The following MAML2 variants were observed in gnomAD, a reference collection of about 807,000 sequenced individuals.
MAML2 encodes the protein mastermind like transcriptional coactivator 2, also known as mastermind-like protein 2.
In MAML2, 22 loss-of-function variants were observed where a neutral mutation model predicts 96.1. That is an observed-to-expected ratio of 0.23 (90% CI 0.16 to 0.33). MAML2 has a LOEUF of 0.33. Ranked by LOEUF, MAML2 falls within the 10% of genes least tolerant of loss-of-function variation. MAML2 has a pLI of 1.00. For missense variants in MAML2, 1,367 were observed against 1,392.4 expected, an observed-to-expected ratio of 0.98 and a Z score of 0.29; for synonymous variants, 561 against 521.3, an observed-to-expected ratio of 1.08 and a Z score of -1.04.
chr11:96,204,185 C>T (rs139772421), intron 1 of MAML2, among the ~76,000 whole-genome samples: 55 of 152,270 alleles, frequency 3.6e-4, no homozygotes, highest in African/African-American at 1.2e-3. Flanking sequence ...GGTGTAGGTG[C>T]ACTTGGAGGG....
rs117736948 is a variant in MAML2 at position 96,248,992 on chromosome 11, G to T, written c.513+92391C>A. On this transcript the variant is annotated intron_variant, in intron 1 of 4. Transcript: ENST00000524717. ...AAATTTAGTAAACACTACAAATCAG[G>T]ATTTTGCTGTTGTCACTGCTTTTCA... Among the ~76,000 whole-genome samples the T allele has an allele frequency of 6.7e-3, 1,027 of 152,282 alleles. 30 individuals are homozygous for T. The highest frequency in any genetic ancestry group is 2.4e-3 in the Non-Finnish European group (160 of 68,026).
chr11:96,148,194 A>T (rs1860851070), intron 1 of MAML2, among the ~76,000 whole-genome samples: 1 of 152,252 alleles, frequency 6.6e-6, no homozygotes. Flanking sequence ...AATCATTGCC[A>T]TGTCTCTTTC....
At chr11:95,993,207 GAAA>G (rs57752907) in intron 2 of MAML2, among the ~76,000 whole-genome samples, 6 of 129,210 alleles carry the variant, frequency 4.6e-5, no homozygotes, top group South Asian at 4.9e-4. Flanking sequence ...ACTGTGCCCA[GAAA>G]AAAAAAAAAA....
At chr11:96,095,137 T>C (rs572546449) in intron 1 of MAML2, among the ~76,000 whole-genome samples, 1 of 152,132 alleles carries the variant, frequency 6.6e-6, no homozygotes, top group Non-Finnish European at 1.5e-5. Context: ...CTAAAGCATA[T>C]GTCATTTACA....
intron 2 of MAML2, among the ~76,000 whole-genome samples, chr11:96,005,168 C>G (rs1418633843): frequency 6.6e-6 from 1 of 152,212 alleles, no homozygotes; most frequent in Admixed American, 6.5e-5. Flanking sequence ...ATTACCCATT[C>G]TGTGGTATTT....
chr11:96,260,976 G>A (rs1012860387), intron 1 of MAML2, among the ~76,000 whole-genome samples: 1 of 152,064 alleles, frequency 6.6e-6, no homozygotes, highest in Non-Finnish European at 1.5e-5. Flanking sequence ...ATATCATGGA[G>A]CCTCATAATT....
At chr11:96,047,190 TG>T (rs1565198833) in intron 2 of MAML2, among the ~76,000 whole-genome samples, 1 of 152,212 alleles carries the variant, frequency 6.6e-6, no homozygotes, top group East Asian at 1.9e-4. Flanking sequence ...CCCTAGTGCC[TG>T]GCATAGGGCT....
At chr11:96,282,926 T>A (rs1863092217) in intron 1 of MAML2, among the ~76,000 whole-genome samples, 1 of 152,202 alleles carries the variant, frequency 6.6e-6, no homozygotes, top group African/African-American at 2.4e-5. Context: ...TATTTTCCTT[T>A]AAAGGCCACT....
intron 1 of MAML2, among the ~76,000 whole-genome samples, chr11:96,304,361 G>A (rs1863435031): frequency 6.6e-6 from 1 of 152,208 alleles, no homozygotes; most frequent in Non-Finnish European, 1.5e-5. Flanking sequence ...GCCATTTAAA[G>A]ATTTTAAGTG....
chr11:96,119,211 A>G (rs1187108356), intron 1 of MAML2, among the ~76,000 whole-genome samples: 1 of 152,158 alleles, frequency 6.6e-6, no homozygotes, highest in Non-Finnish European at 1.5e-5. Context: ...GTGAACTTAC[A>G]TGGCAAAAGA....
At chr11:96,156,456 G>T (rs1483020136) in intron 1 of MAML2, among the ~76,000 whole-genome samples, 1 of 152,146 alleles carries the variant, frequency 6.6e-6, no homozygotes, top group African/African-American at 2.4e-5. Flanking sequence ...TTGTTGGGAT[G>T]GCTGCCCCTG....
chr11:96,210,989 T>C lies in MAML2; in HGVS notation c.514-117472A>G, dbSNP rs78917499. ...AAACTACATGTGAAGCTGACATTTT[T>C]CTGTCCATTTATTGGACTACATTTA... On this transcript the variant is annotated intron_variant, in intron 1 of 4. Coordinates refer to ENST00000524717, the MANE Select transcript of MAML2 (RefSeq NM_032427.4). Among the ~76,000 whole-genome samples the C allele has an allele frequency of 3.7e-3, 569 of 152,334 alleles. 16 individuals carry two copies. The highest frequency in any genetic ancestry group is 0.025 in the East Asian group (132 of 5,192).
chr11:96,337,361 C>T (rs902320516), intron 1 of MAML2, among the ~76,000 whole-genome samples: 4 of 152,168 alleles, frequency 2.6e-5, no homozygotes, highest in African/African-American at 2.4e-5. Context: ...TTAAAAATAA[C>T]CAGGGTACTC....
chr11:96,048,521 A>G (rs1858942097), intron 2 of MAML2, among the ~76,000 whole-genome samples: 1 of 152,190 alleles, frequency 6.6e-6, no homozygotes, highest in African/African-American at 2.4e-5. Context: ...TTTAACACAT[A>G]TAGGTAATTA....
At chr11:96,134,002 GA>G (rs548911155) in intron 1 of MAML2, among the ~76,000 whole-genome samples, 102 of 142,088 alleles carry the variant, frequency 7.2e-4, no homozygotes, top group African/African-American at 1.2e-3. Flanking sequence ...TCATTGAAAA[GA>G]AAAAAAAAAG....
At chr11:96,331,643 C>A (rs1487780493) in intron 1 of MAML2, among the ~76,000 whole-genome samples, 5 of 145,246 alleles carry the variant, frequency 3.4e-5, no homozygotes, top group South Asian at 2.2e-4. Flanking sequence ...ACTAAAAATA[C>A]AAAAAAAAAA....
intron 2 of MAML2, among the ~76,000 whole-genome samples, chr11:96,060,423 C>A (rs968700591): frequency 1.3e-5 from 2 of 151,872 alleles, no homozygotes; most frequent in African/African-American, 4.8e-5. Context: ...ATACGTGGAT[C>A]CGGACTTGTT....
At position 96,138,351 on chromosome 11, in the gene MAML2, C is replaced by T. The variant is rs549246476; in HGVS notation, c.514-44834G>A. Among the ~76,000 whole-genome samples, 101 of 152,312 alleles carry T rather than the reference C, an allele frequency of 6.6e-4. 1 individual carries two copies. Among genetic ancestry groups the T allele is most frequent in the African/African-American group, 2.2e-3 (91 of 41,564 alleles). ...GCCACCTGAGCTCATATTACTGCCCCTTGCCTAGGAGATCTTTGTATAGCT... is the reference window on the plus strand; with the variant it reads ...GCCACCTGAGCTCATATTACTGCCCTTTGCCTAGGAGATCTTTGTATAGCT... On this transcript the variant is annotated intron_variant, in intron 1 of 4. Transcript: ENST00000524717.
chr11:96,040,065 G>C (rs935163873), intron 2 of MAML2, among the ~76,000 whole-genome samples: 1 of 151,980 alleles, frequency 6.6e-6, no homozygotes, highest in African/African-American at 2.4e-5. Flanking sequence ...CCTCAAACCG[G>C]GGTTCCCTTT....
Sources: gnomAD v4.1 joint callset for allele counts (sites outside exome capture counted in the v4.1 genomes callset) on GRCh38, gnomAD v4.1.1 for gene constraint, MANE v1.5 for transcripts, NCBI Gene and HGNC (gene_info 2026-07-23, HGNC 2026-07-21) for gene names.